The following DSCAM variants were observed in gnomAD, a reference collection of about 807,000 sequenced individuals.
The protein encoded by DSCAM is cell adhesion molecule DSCAM.
A neutral mutation model predicts 217.7 loss-of-function variants in DSCAM; 47 were observed. The ratio of observed to expected loss-of-function variants is 0.22; its 90% CI spans 0.17 to 0.28. The LOEUF (loss-of-function observed/expected upper bound fraction) is 0.28. Ranked by LOEUF, DSCAM falls within the 10% of genes least tolerant of loss-of-function variation. The pLI, the probability that DSCAM is intolerant of heterozygous loss-of-function variation, is 1.00. For missense variants in DSCAM, 2,080 were observed against 2,618.3 expected, an observed-to-expected ratio of 0.79 and a Z score of 4.49; for synonymous variants, 1,056 against 1,015.3, an observed-to-expected ratio of 1.04 and a Z score of -0.76.
chr21:40,459,216 A>G (rs2075786964), intron 3 of DSCAM, among the ~76,000 whole-genome samples: 1 of 152,168 alleles, frequency 6.6e-6, no homozygotes, highest in Admixed American at 6.5e-5. Flanking sequence ...TAGATTGTTG[A>G]TTAAACTAAG....
chr21:40,666,410 T>C (rs771251244), intron 3 of DSCAM, among the ~76,000 whole-genome samples: 6 of 152,146 alleles, frequency 3.9e-5, no homozygotes, highest in South Asian at 2.1e-4. Context: ...CAGGATCACA[T>C]AGCAAGAAAG....
At chr21:40,648,470 T>G (rs2410262) in intron 3 of DSCAM, among the ~76,000 whole-genome samples, 60,522 of 151,762 alleles carry the variant, frequency 0.4, 12,587 homozygotes, top group East Asian at 0.6. Flanking sequence ...TGGGTCCCCA[T>G]TGAAACCCAA....
At chr21:40,399,792 C>T (rs907093598) in intron 3 of DSCAM, among the ~76,000 whole-genome samples, 1 of 152,148 alleles carries the variant, frequency 6.6e-6, no homozygotes, top group African/African-American at 2.4e-5. Context: ...GCATTATAAA[C>T]GTTGACTCAC....
intron 32 of DSCAM, among the ~76,000 whole-genome samples, chr21:40,020,549 AGAGAGATATGG>A (rs1352668920): frequency 6.6e-6 from 1 of 151,758 alleles, no homozygotes; most frequent in Non-Finnish European, 1.5e-5. Flanking sequence ...GAGAGAGAGG[AGAGAGATATGG>A]GAGGGAAAAT....
chr21:40,770,350 A>G (rs1191489399), intron 1 of DSCAM, among the ~76,000 whole-genome samples: 1 of 152,202 alleles, frequency 6.6e-6, no homozygotes, highest in East Asian at 1.9e-4. Context: ...TCTCAGCATC[A>G]AAGTATTAAA....
At position 40,016,147 on chromosome 21, in the gene DSCAM, G is replaced by C. The variant is rs886300407; in HGVS notation, c.5687-2761C>G. Among the ~76,000 whole-genome samples, 1 of 152,194 alleles carries C rather than the reference G, an allele frequency of 6.6e-6. No individual in the cohort carries two copies. On this transcript the variant is annotated intron_variant, in intron 32 of 32. Transcript: ENST00000400454. This position sits in a 1 kb window ranked among gnomAD's most constrained non-coding sequence, Gnocchi z 4.3. Reference sequence around the variant, plus strand: ...GGGCCCAGGGTAAAGGATGTGCAGGGAGAGAGATATGATGATGGTCTGAGC... The same window carrying C: ...GGGCCCAGGGTAAAGGATGTGCAGGCAGAGAGATATGATGATGGTCTGAGC...
intron 3 of DSCAM, among the ~76,000 whole-genome samples, chr21:40,551,121 G>T (rs548037092): frequency 6.6e-6 from 1 of 152,190 alleles, no homozygotes; most frequent in South Asian, 2.1e-4. Flanking sequence ...AATGACCATG[G>T]CCTGAGGCAT....
chr21:40,375,261 C>G (rs995045478), intron 3 of DSCAM, among the ~76,000 whole-genome samples: 3 of 152,240 alleles, frequency 2.0e-5, no homozygotes, highest in African/African-American at 7.2e-5. Flanking sequence ...ACTTCTGCTT[C>G]CCTACAATTT....
chr21:40,036,881 T>C (rs1469862222), intron 32 of DSCAM, among the ~76,000 whole-genome samples: 1 of 150,356 alleles, frequency 6.7e-6, no homozygotes, highest in Non-Finnish European at 1.5e-5. Flanking sequence ...TCAATAAATG[T>C]AATCCAGCAT....
At chr21:40,760,084 C>G (rs974334905) in intron 1 of DSCAM, among the ~76,000 whole-genome samples, 4 of 151,984 alleles carry the variant, frequency 2.6e-5, no homozygotes, top group African/African-American at 7.3e-5. Context: ...ACCTCCACCC[C>G]CCAGGTTCAA....
chr21:40,351,026 C>T (rs1163010312), intron 5 of DSCAM, among the ~76,000 whole-genome samples: 2 of 151,688 alleles, frequency 1.3e-5, no homozygotes, highest in Non-Finnish European at 2.9e-5. Flanking sequence ...GCTGGGACTA[C>T]AGACACAAGC....
chr21:40,266,763 G>T (rs1333626142), intron 11 of DSCAM, among the ~76,000 whole-genome samples: 23 of 88,262 alleles, frequency 2.6e-4, no homozygotes, highest in African/African-American at 1.1e-3. Context: ...ATATCATCTT[G>T]AAATTTTCAC....
intron 1 of DSCAM, among the ~76,000 whole-genome samples, chr21:40,806,328 G>A (rs1374408510): frequency 2.0e-5 from 3 of 151,038 alleles, no homozygotes; most frequent in Admixed American, 6.7e-5. Flanking sequence ...GTGGTGCCCC[G>A]ATTCTCCCAG....
At chr21:40,569,927 G>A (rs1289218696) in intron 3 of DSCAM, among the ~76,000 whole-genome samples, 1 of 152,084 alleles carries the variant, frequency 6.6e-6, no homozygotes, top group African/African-American at 2.4e-5. Context: ...AAAATTTGTG[G>A]TATGAACGTA....
In DSCAM at chr21:40,080,294, A is replaced by G. The variant is rs2089436712; in HGVS notation, c.4278T>C (p.Ser1426=). 1 of 1,610,570 alleles carries G rather than the reference A, an allele frequency of 6.2e-7. No individual in the cohort carries two copies. Among genetic ancestry groups the G allele is most frequent in the African/African-American group, 1.3e-5 (1 of 74,210 alleles). The change falls in exon 25 of 33, where the codon AGT becomes AGC. Residue 1426 remains serine (S), a synonymous_variant. Coordinates refer to ENST00000400454, the MANE Select transcript of DSCAM (RefSeq NM_001389.5). The part of the protein sequence containing the change: ...YSEDNSEQWG[S]FPISPSERSY... ...AACGTTCGCTGGGGCTGATTGGAAA[A>G]CTCCCCCACTGCTCACTATTGTCCT...
At chr21:40,482,671 C>T (rs185252756) in intron 3 of DSCAM, among the ~76,000 whole-genome samples, 8 of 152,244 alleles carry the variant, frequency 5.3e-5, no homozygotes, top group Middle Eastern at 3.4e-3. Context: ...AGGAGGTGGA[C>T]CCTGACAGCA....
chr21:40,031,147 G>A (rs1176232706), intron 32 of DSCAM, among the ~76,000 whole-genome samples: 1 of 152,130 alleles, frequency 6.6e-6, no homozygotes, highest in South Asian at 2.1e-4. Context: ...GCTTATTGGG[G>A]TTCAGTTCTA....
At chr21:40,467,280 G>T (rs747061025) in intron 3 of DSCAM, among the ~76,000 whole-genome samples, 2 of 152,156 alleles carry the variant, frequency 1.3e-5, no homozygotes, top group Non-Finnish European at 1.5e-5. Context: ...TAAACACTGT[G>T]CATATACACA....
intron 3 of DSCAM, among the ~76,000 whole-genome samples, chr21:40,413,780 T>G (rs1214927457): frequency 6.6e-6 from 1 of 152,254 alleles, no homozygotes; most frequent in African/African-American, 2.4e-5. Flanking sequence ...AGGAGCTGAT[T>G]AGATTCTGAA....
Sources: allele counts gnomAD v4.1 joint callset (sites outside exome capture counted in the v4.1 genomes callset), GRCh38; gene constraint gnomAD v4.1.1; non-coding constraint Gnocchi (gnomAD v3.1); transcripts MANE v1.5; gene names NCBI Gene and HGNC (gene_info 2026-07-23, HGNC 2026-07-21).